The following APBB2 variants were observed in gnomAD, a reference collection of about 807,000 sequenced individuals.
The protein encoded by APBB2 is Fe65-like 1.
In APBB2, 38 loss-of-function variants were observed where a neutral mutation model predicts 82.5. The observed-to-expected ratio is 0.46, with a 90% CI of 0.36 to 0.60. APBB2 has a LOEUF of 0.60. Among genes scored for constraint, APBB2 ranks in the 20% least tolerant of loss-of-function variants. APBB2 has a pLI of 0.00. For synonymous variants in APBB2, 341 were observed against 368.2 expected, an observed-to-expected ratio of 0.93 and a Z score of 0.85; for missense variants, 772 against 972.3, an observed-to-expected ratio of 0.79 and a Z score of 2.74.
intron 10 of APBB2, among the ~76,000 whole-genome samples, chr4:40,894,291 A>G (rs987259212): frequency 1.3e-5 from 2 of 148,700 alleles, no homozygotes; most frequent in East Asian, 1.9e-4. Flanking sequence ...CTCCGTCTCA[A>G]AAAAAAAAAA....
intron 1 of APBB2, among the ~76,000 whole-genome samples, chr4:41,181,004 T>C (rs145198127): frequency 1.5e-4 from 23 of 152,308 alleles, no homozygotes; most frequent in African/African-American, 5.5e-4. Context: ...GAATAGGTGC[T>C]CTCTTCAAAA....
intron 2 of APBB2, among the ~76,000 whole-genome samples, chr4:41,130,109 C>G (rs1015955730): frequency 1.3e-5 from 2 of 152,164 alleles, no homozygotes; most frequent in African/African-American, 4.8e-5. Context: ...GGCCCTGAGG[C>G]AGAAATCTGC....
At chr4:41,053,035 G>T (rs568138334) in intron 4 of APBB2, among the ~76,000 whole-genome samples, 29 of 152,094 alleles carry the variant, frequency 1.9e-4, no homozygotes, top group Non-Finnish European at 2.9e-4. Context: ...AAAGTGCTGG[G>T]ATTACAGGCG....
intron 10 of APBB2, among the ~76,000 whole-genome samples, chr4:40,931,584 C>T (rs1407517253): frequency 6.6e-6 from 1 of 152,196 alleles, no homozygotes; most frequent in African/African-American, 2.4e-5. Flanking sequence ...CCCTTCTAGG[C>T]ATTCATTCCA....
chr4:41,005,315 C>G (rs1806395578), intron 6 of APBB2, among the ~76,000 whole-genome samples: 1 of 152,158 alleles, frequency 6.6e-6, no homozygotes. Context: ...GTCTCAATCT[C>G]TTGATCTCGT....
intron 4 of APBB2, among the ~76,000 whole-genome samples, chr4:41,054,652 T>C (rs535759661): frequency 6.6e-6 from 1 of 152,134 alleles, no homozygotes; most frequent in African/African-American, 2.4e-5. Flanking sequence ...TAAAAATTGC[T>C]TAATCTTTTA....
At chr4:41,045,614 C>T (rs1445412189) in intron 4 of APBB2, among the ~76,000 whole-genome samples, 2 of 152,098 alleles carry the variant, frequency 1.3e-5, no homozygotes, top group Admixed American at 6.6e-5. Context: ...TCTAATTGAG[C>T]GTGTCTTCTG....
intron 1 of APBB2, among the ~76,000 whole-genome samples, chr4:41,157,165 C>T (rs1763685239): frequency 6.6e-6 from 1 of 152,048 alleles, no homozygotes; most frequent in South Asian, 2.1e-4. Flanking sequence ...GTGCCTGGCA[C>T]ACAGCAAGTG....
chr4:41,101,958 CAAA>C (rs547905590), intron 2 of APBB2, among the ~76,000 whole-genome samples: 1 of 117,148 alleles, frequency 8.5e-6, no homozygotes. Flanking sequence ...GACTCCATCT[CAAA>C]AAAAAAAAAA....
chr4:41,027,193 A>C (rs1199445073), intron 5 of APBB2, among the ~76,000 whole-genome samples: 1 of 151,880 alleles, frequency 6.6e-6, no homozygotes, highest in Non-Finnish European at 1.5e-5. Flanking sequence ...CTGCCCTCTC[A>C]GTGATCTGGC....
intron 10 of APBB2, among the ~76,000 whole-genome samples, chr4:40,900,126 G>C (rs1207526796): frequency 1.3e-5 from 2 of 152,312 alleles, no homozygotes; most frequent in Middle Eastern, 3.4e-3. Flanking sequence ...CTAAAATGTG[G>C]CCCGACACTA....
chr4:40,946,110 C>T (rs28552908), intron 6 of APBB2, among the ~76,000 whole-genome samples: 59,302 of 151,638 alleles, frequency 0.39, 12,400 homozygotes, highest in Non-Finnish European at 0.48. Context: ...CGCACACCTG[C>T]AGTCCCAGTT....
chr4:41,202,641 C>T (rs1283627275), intron 1 of APBB2, among the ~76,000 whole-genome samples: 1 of 152,136 alleles, frequency 6.6e-6, no homozygotes, highest in East Asian at 1.9e-4. Context: ...GAAACATTCA[C>T]ATTGCGTTGT....
chr4:40,913,266 A>G (rs139903180), intron 10 of APBB2, among the ~76,000 whole-genome samples: 1 of 152,310 alleles, frequency 6.6e-6, no homozygotes, highest in Non-Finnish European at 1.5e-5. Flanking sequence ...TCAGTCTCAA[A>G]TAGTAACAGG....
At chr4:41,039,743 C>CTA (rs1366942529) in intron 4 of APBB2, among the ~76,000 whole-genome samples, 1 of 151,146 alleles carries the variant, frequency 6.6e-6, no homozygotes, top group African/African-American at 2.4e-5. Context: ...GCCTGTAGTC[C>CTA]TAGTTACTTG....
At chr4:40,829,445 C>T (rs1751102971) in intron 13 of APBB2, among the ~76,000 whole-genome samples, 1 of 152,184 alleles carries the variant, frequency 6.6e-6, no homozygotes, top group African/African-American at 2.4e-5. Flanking sequence ...GCCTCTAAAA[C>T]ACATAACACA....
intron 2 of APBB2, among the ~76,000 whole-genome samples, chr4:41,136,404 C>G (rs1228296427): frequency 6.6e-6 from 1 of 152,158 alleles, no homozygotes; most frequent in Non-Finnish European, 1.5e-5. Context: ...TAAATGAAAG[C>G]TTACTTATGG....
At chr4:41,151,242 G>A (rs943464064) in intron 1 of APBB2, among the ~76,000 whole-genome samples, 1 of 152,094 alleles carries the variant, frequency 6.6e-6, no homozygotes, top group Non-Finnish European at 1.5e-5. Context: ...TACAGTCAAC[G>A]CATTGCAGAG....
At chr4:41,021,299 T>C (rs562846788) in intron 5 of APBB2, among the ~76,000 whole-genome samples, 3 of 152,324 alleles carry the variant, frequency 2.0e-5, no homozygotes, top group African/African-American at 7.2e-5. Flanking sequence ...GCTAGAGCAG[T>C]CATCACCCAA....
Sources: gnomAD v4.1 joint callset for allele counts (sites outside exome capture counted in the v4.1 genomes callset) on GRCh38, gnomAD v4.1.1 for gene constraint, MANE v1.5 for transcripts, NCBI Gene and HGNC (gene_info 2026-07-23, HGNC 2026-07-21) for gene names.